SPINK5: variants seen among roughly 807,000 people sequenced by gnomAD.
The protein encoded by SPINK5 is serine peptidase inhibitor Kazal type 5.
SPINK5 carries 125 observed loss-of-function variants against 151.8 expected under a neutral mutation model. The observed-to-expected ratio is 0.82, with a 90% CI of 0.71 to 0.96. The LOEUF (loss-of-function observed/expected upper bound fraction) is 0.96, where lower values mean the gene tolerates loss of function less well. Among genes scored for constraint, SPINK5 ranks in the 40% least tolerant of loss-of-function variants. SPINK5 has a pLI of 0.00. For missense variants in SPINK5, 1,194 were observed against 1,291.9 expected (o/e 0.92, Z 1.16); for synonymous variants, 374 against 395.3 (o/e 0.95, Z 0.64).
intron 8 of SPINK5, among the ~76,000 whole-genome samples, chr5:148,092,029 G>A (rs997104798): frequency 6.6e-6 from 1 of 151,838 alleles, no homozygotes; most frequent in African/African-American, 2.4e-5. Flanking sequence ...CTGGGTGTGG[G>A]AGACTAAGTA....
intron 2 of SPINK5, among the ~76,000 whole-genome samples, chr5:148,069,203 TA>T (rs1396615016): frequency 6.6e-6 from 1 of 151,938 alleles, no homozygotes; most frequent in Non-Finnish European, 1.5e-5. Flanking sequence ...TTTAAGCTCC[TA>T]AAAAAGAATG....
intron 30 of SPINK5, among the ~76,000 whole-genome samples, chr5:148,130,292 A>G (rs1188538763): frequency 6.6e-6 from 1 of 151,884 alleles, no homozygotes; most frequent in Non-Finnish European, 1.5e-5. Context: ...ACTTTGAGTC[A>G]TGAGTTATTT....
intron 2 of SPINK5, among the ~76,000 whole-genome samples, 164 bp from the exon 3 acceptor site, chr5:148,070,159 G>A (rs1752698942): frequency 6.6e-6 from 1 of 152,064 alleles, no homozygotes; most frequent in African/African-American, 2.4e-5. Context: ...TATCTACTAT[G>A]TATCAGGCAT....
At chr5:148,129,795 TA>T (rs1476396077) in intron 30 of SPINK5, among the ~76,000 whole-genome samples, 1 of 152,168 alleles carries the variant, frequency 6.6e-6, no homozygotes, top group Non-Finnish European at 1.5e-5. Flanking sequence ...ATAATACTAT[TA>T]AATTTTCTAT....
At chr5:148,078,889 C>G (rs1386638411) in intron 4 of SPINK5, among the ~76,000 whole-genome samples, 3 of 149,778 alleles carry the variant, frequency 2.0e-5, no homozygotes, top group Admixed American at 1.3e-4. Context: ...CAAACTAAAC[C>G]CAAAGCAAGC....
chr5:148,119,595 G>A (rs771335451), intron 24 of SPINK5, among the ~76,000 whole-genome samples: 1 of 152,204 alleles, frequency 6.6e-6, no homozygotes, highest in Non-Finnish European at 1.5e-5. Context: ...GAAGCTACCT[G>A]TATTCCTTGG....
chr5:148,073,814 TCACACACACACACACACACACACACA>T (rs67549762), intron 4 of SPINK5, among the ~76,000 whole-genome samples: 1 of 113,814 alleles, frequency 8.8e-6, no homozygotes, highest in African/African-American at 3.4e-5. Context: ...TATGCCTGAG[TCACACACACACACACACACACACACA>T]CACACACACA....
At chr5:148,106,916 A>G in intron 16 of SPINK5, 121 bp from the exon 17 acceptor site, 3 of 1,270,240 alleles carry the variant, frequency 2.4e-6, no homozygotes, top group Non-Finnish European at 3.3e-6. Context: ...TTACTGATTT[A>G]CTACTATGTG....
At chr5:148,093,595 T>C (rs1328389005) in intron 8 of SPINK5, among the ~76,000 whole-genome samples, 1 of 151,912 alleles carries the variant, frequency 6.6e-6, no homozygotes. Context: ...CTTAGCTGGA[T>C]TATTCTTGAC....
At chr5:148,083,608 T>C (rs762689631) in intron 4 of SPINK5, among the ~76,000 whole-genome samples, 1 of 151,598 alleles carries the variant, frequency 6.6e-6, no homozygotes, top group Non-Finnish European at 1.5e-5. Context: ...GTCAATTTCT[T>C]TGTCTTCTCT....
rs1231950922 is a variant in SPINK5, at chr5:148,064,068, G to A, written c.24G>A (p.Val8=). The stretch of plus-strand genomic sequence containing the variant: ...ACATGAAGATAGCCACAGTGTCAGT[G>A]CTTCTGCCCTTGGCTCTTTGCCTCA... MKIATVS[V]LLPLALCLIQ... The change falls in exon 1 of 33, where the codon GTG becomes GTA. Residue 8 remains valine, a synonymous_variant. Transcript: ENST00000256084. 3 of 1,614,050 alleles carry A rather than the reference G, an allele frequency of 1.9e-6. No individual in the cohort carries two copies. Among genetic ancestry groups the A allele is most frequent in the Non-Finnish European group, 2.5e-6 (3 of 1,180,030 alleles).
intron 1 of SPINK5, 95 bp from the exon 2 acceptor site, chr5:148,065,249 CATT>C: frequency 7.6e-7 from 1 of 1,323,478 alleles, no homozygotes. Flanking sequence ...AACATATTGT[CATT>C]AAAGCAATCA....
Position 148,099,767 on chromosome 5 carries a change from G to A in SPINK5, c.1092+452G>A, listed in dbSNP as rs138881370. ...AGTTATCATCACCAATGGTTTTGAT[G>A]ATAAAAGTCTCCTAATTTTCACTCT... On this transcript the variant is annotated intron_variant, in intron 12 of 32. Transcript: ENST00000256084. Among the ~76,000 whole-genome samples the A allele has an allele frequency of 1.2e-3, 180 of 152,128 alleles. 6 individuals carry two copies. In the East Asian group the frequency reaches 0.031, roughly 26 times the overall value.
intron 20 of SPINK5, among the ~76,000 whole-genome samples, chr5:148,113,374 G>C (rs865978062): frequency 6.6e-6 from 1 of 152,116 alleles, no homozygotes; most frequent in African/African-American, 2.4e-5. Flanking sequence ...AGTACCAATA[G>C]CTTCATATTT....
At chr5:148,093,783 A>G (rs1360999604) in intron 8 of SPINK5, among the ~76,000 whole-genome samples, 1 of 151,292 alleles carries the variant, frequency 6.6e-6, no homozygotes, top group Admixed American at 6.6e-5. Flanking sequence ...ATCCAAGAAA[A>G]CTCTTGGTCA....
At chr5:148,071,415 G>A (rs1752734277) in intron 3 of SPINK5, among the ~76,000 whole-genome samples, 1 of 152,018 alleles carries the variant, frequency 6.6e-6, no homozygotes, top group Non-Finnish European at 1.5e-5. Context: ...AATAGAGGAT[G>A]GGAGGCCTAG....
rs748129506 is a variant in SPINK5 at position 148,089,522 on chromosome 5, T to G, written c.503T>G (p.Val168Gly). 1.5e-5 allele frequency: 24 copies of G among 1,611,966 alleles called. No individual in the cohort carries two copies. The South Asian group carries it at 2.4e-4, about 16-fold the overall frequency. ...QDVCSAFRPFVRDGRLGCTRE... is the reference protein window; with the variant it reads ...QDVCSAFRPFGRDGRLGCTRE... Reference sequence around the variant, plus strand: ...GTATGCAGTGCTTTTCGGCCCTTTGTTAGAGATGGAAGACTTGGATGCACA... The same window carrying G: ...GTATGCAGTGCTTTTCGGCCCTTTGGTAGAGATGGAAGACTTGGATGCACA... The change falls in exon 7 of 33, where the codon GTT becomes GGT. Residue 168 changes from valine (V) to glycine (G), a missense_variant. Transcript: ENST00000256084.
Position 148,133,814 on chromosome 5 carries a change from C to A in SPINK5, c.3113C>A (p.Thr1038Lys), listed in dbSNP as rs370311628. 320 of 1,613,886 alleles carry A rather than the reference C, an allele frequency of 2.0e-4. No individual in the cohort carries two copies. Among genetic ancestry groups the A allele is most frequent in the Non-Finnish European group, 2.5e-4 (298 of 1,179,962 alleles). The change falls in exon 32 of 33, where the codon ACA (threonine) becomes AAA (lysine). Residue 1038 changes from threonine (T) to lysine (K), a missense_variant. Coordinates refer to ENST00000256084, the MANE Select transcript of SPINK5 (RefSeq NM_006846.4). ...CHENLIRQTNTHIRSTGKCEE... is the reference protein window; with the variant it reads ...CHENLIRQTNKHIRSTGKCEE... ...TGTTTTAGGATACGCCAAACAAATA[C>A]ACACATCCGCAGTACAGGGAAGTGT... is the stretch of plus-strand genomic sequence containing the variant.
intron 21 of SPINK5, among the ~76,000 whole-genome samples, chr5:148,115,267 A>G (rs1754054663): frequency 6.6e-6 from 1 of 152,204 alleles, no homozygotes; most frequent in Non-Finnish European, 1.5e-5. Context: ...TTAGGAAAAA[A>G]ACAAGTCATT....
Sources: allele counts gnomAD v4.1 joint callset (sites outside exome capture counted in the v4.1 genomes callset), GRCh38; gene constraint gnomAD v4.1.1; transcripts MANE v1.5; gene names NCBI Gene and HGNC (gene_info 2026-07-23, HGNC 2026-07-21).